The following LRRC9 variants were observed in gnomAD, a reference collection of about 807,000 sequenced individuals.
The protein encoded by LRRC9 is leucine-rich repeat-containing protein 9.
Under a neutral mutation model 63.2 loss-of-function variants are expected in LRRC9, and 122 were observed. That is an observed-to-expected ratio of 1.93 (90% confidence interval 1.67 to 2.24). The LOEUF is 2.24. Among genes scored for constraint, LRRC9 ranks in the 30% most tolerant of loss-of-function variants. The pLI, the probability that LRRC9 is intolerant of heterozygous loss-of-function variation, is 0.00. For missense variants in LRRC9, 1,071 were observed against 627.7 expected, an observed-to-expected ratio of 1.71 and a Z score of -7.55; for synonymous variants, 366 against 213.1, an observed-to-expected ratio of 1.72 and a Z score of -6.25.
At chr14:60,052,746 TAA>T (rs1893985918) in intron 29 of LRRC9, among the ~76,000 whole-genome samples, 1 of 152,242 alleles carries the variant, frequency 6.6e-6, no homozygotes, top group Non-Finnish European at 1.5e-5. Flanking sequence ...TGGGAAAATA[TAA>T]GTTTCAAAAT....
chr14:59,930,018 G>A lies in LRRC9; in HGVS notation c.268-900G>A, dbSNP rs761306252. 6.6e-6 allele frequency among the ~76,000 whole-genome samples: 1 copy of A among 151,984 alleles called. No homozygotes were observed. The highest frequency in any genetic ancestry group is 1.5e-5 in the Non-Finnish European group (1 of 67,928). On this transcript the variant is annotated intron_variant, in intron 3 of 31. Coordinates refer to ENST00000445360, the Ensembl canonical transcript of LRRC9. The surrounding 1 kb of genome is among the most constrained non-coding windows in gnomAD (Gnocchi z 4.9). ...AGTAATCTGTACAACAAACCCCCAT[G>A]ACAGAAATTTACCTAAATAACAAAC... is the stretch of plus-strand genomic sequence containing the variant.
intron 29 of LRRC9, among the ~76,000 whole-genome samples, chr14:60,048,010 C>T (rs965272022): frequency 6.6e-6 from 1 of 152,178 alleles, no homozygotes; most frequent in African/African-American, 2.4e-5. Flanking sequence ...CACACAACTA[C>T]ATGGAAATTG....
intron 17 of LRRC9, among the ~76,000 whole-genome samples, chr14:59,993,226 A>C (rs1282341342): frequency 6.6e-6 from 1 of 152,210 alleles, no homozygotes; most frequent in African/African-American, 2.4e-5. Context: ...TCATAAGTGA[A>C]GGAGAAATAA....
intron 29 of LRRC9, among the ~76,000 whole-genome samples, chr14:60,036,558 G>A (rs1892450278): frequency 6.6e-6 from 1 of 152,138 alleles, no homozygotes; most frequent in African/African-American, 2.4e-5. Context: ...TTCATCTGGT[G>A]ACATCTTATG....
At chr14:60,044,807 T>G (rs1369123554) in intron 29 of LRRC9, among the ~76,000 whole-genome samples, 1 of 152,206 alleles carries the variant, frequency 6.6e-6, no homozygotes, top group Non-Finnish European at 1.5e-5. Context: ...GCCTGTTAGA[T>G]CTAGTGTATA....
exon 9 of LRRC9, chr14:59,959,971 G>T (rs1884179988): frequency 1.5e-6 from 1 of 686,532 alleles, no homozygotes; most frequent in Admixed American, 2.2e-5. Flanking sequence ...CAAACTAAAT[G>T]CCTTGAATGA....
chr14:60,065,514 G>A (rs1894862717), downstream of LRRC9, among the ~76,000 whole-genome samples: 1 of 149,510 alleles, frequency 6.7e-6, no homozygotes. Context: ...TGGGAATGGT[G>A]GCGTACACCT....
rs761431182 is a variant in LRRC9, at chr14:59,994,179, C to A, written c.2212-3477C>A. Among the ~76,000 whole-genome samples, 10 of 151,918 alleles carry A rather than the reference C, an allele frequency of 6.6e-5. No individual in the cohort carries two copies. The East Asian group carries it at 9.6e-4, about 15-fold the overall frequency. ...GAAACAAATTTACAAGAAAAAAAAA[C>A]CCCATCAAAAAGCGGGCAAAGGATA... On this transcript the variant is annotated intron_variant, in intron 17 of 31. Coordinates refer to ENST00000445360, the Ensembl canonical transcript of LRRC9.
At chr14:60,038,124 T>C (rs1005760813) in intron 29 of LRRC9, among the ~76,000 whole-genome samples, 6 of 152,170 alleles carry the variant, frequency 3.9e-5, no homozygotes, top group Admixed American at 6.6e-5. Context: ...CATTGGTCTA[T>C]ATCTCTGTTT....
intron 29 of LRRC9, among the ~76,000 whole-genome samples, chr14:60,035,151 A>C (rs1892325379): frequency 6.7e-6 from 1 of 149,948 alleles, no homozygotes; most frequent in South Asian, 2.1e-4. Context: ...TCTTCTTTTG[A>C]TAAATGTCTT....
intron 15 of LRRC9, among the ~76,000 whole-genome samples, chr14:59,981,508 C>T (rs1354664297): frequency 6.6e-6 from 1 of 152,108 alleles, no homozygotes; most frequent in African/African-American, 2.4e-5. Context: ...TATTTTTTAG[C>T]CAGAGGTTAC....
chr14:59,957,250 C>A (rs1020686921), intron 8 of LRRC9, among the ~76,000 whole-genome samples: 12 of 152,174 alleles, frequency 7.9e-5, no homozygotes, highest in Non-Finnish European at 1.5e-4. Context: ...CTCCCCATCA[C>A]TTTCAGGGAC....
chr14:60,061,150 A>G (rs531477606), intron 31 of LRRC9, among the ~76,000 whole-genome samples: 4 of 152,258 alleles, frequency 2.6e-5, no homozygotes, highest in Non-Finnish European at 5.9e-5. Flanking sequence ...AACTTAGTTG[A>G]TAGAGCAGTG....
chr14:59,988,847 C>A (rs1887757366), intron 17 of LRRC9, among the ~76,000 whole-genome samples: 1 of 152,044 alleles, frequency 6.6e-6, no homozygotes, highest in African/African-American at 2.4e-5. Flanking sequence ...GGAATAATAT[C>A]CCTTCAGTTA....
At position 59,990,173 on chromosome 14, in the gene LRRC9, C is replaced by T. The variant is rs1887925093; in HGVS notation, c.2211+4949C>T. On this transcript the variant is annotated intron_variant, in intron 17 of 31. Transcript: ENST00000445360. This position sits in a 1 kb window ranked among gnomAD's most constrained non-coding sequence, Gnocchi z 4.2. ...AACTCCCGACTTCAGGTGATCTGCC[C>T]GCCTCGACCTCCCAAAGTGCTGGGA... Among the ~76,000 whole-genome samples, 1 of 152,026 alleles carries T rather than the reference C, an allele frequency of 6.6e-6. No homozygotes were observed. The highest frequency in any genetic ancestry group is 2.4e-5 in the African/African-American group (1 of 41,398).
At chr14:59,953,038 T>A (rs1452397653) in intron 8 of LRRC9, among the ~76,000 whole-genome samples, 2 of 152,244 alleles carry the variant, frequency 1.3e-5, no homozygotes, top group Non-Finnish European at 2.9e-5. Context: ...TGTGCCACAT[T>A]TTCTTTATCC....
chr14:59,976,837 C>A (rs1018558622), intron 13 of LRRC9, among the ~76,000 whole-genome samples: 1 of 152,162 alleles, frequency 6.6e-6, no homozygotes, highest in Non-Finnish European at 1.5e-5. Flanking sequence ...ATTAAGTAGA[C>A]ATATATTGAG....
intron 17 of LRRC9, among the ~76,000 whole-genome samples, chr14:59,996,282 A>G (rs528316356): frequency 6.6e-6 from 1 of 152,242 alleles, no homozygotes; most frequent in Admixed American, 6.5e-5. Context: ...AGGAAGTGAT[A>G]GTTTTTGTTT....
rs1884035385 is a variant in LRRC9, at chr14:59,958,559, G to A, written c.883-1259G>A. 6.6e-6 allele frequency among the ~76,000 whole-genome samples: 1 copy of A among 152,240 alleles called. No homozygotes were observed. The highest frequency in any genetic ancestry group is 2.1e-4 in the South Asian group (1 of 4,830). ...AAGCTAGTGGTTCTTAGCTTGCTGG[G>A]CTCTGTGGGAGTGGGACCCGCTGAG... On this transcript the variant is annotated intron_variant, in intron 8 of 31. Coordinates refer to ENST00000445360, the Ensembl canonical transcript of LRRC9. This position sits in a 1 kb window ranked among gnomAD's most constrained non-coding sequence, Gnocchi z 4.0.
Sources: allele counts gnomAD v4.1 joint callset (sites outside exome capture counted in the v4.1 genomes callset), GRCh38; gene constraint gnomAD v4.1.1; non-coding constraint Gnocchi (gnomAD v3.1); transcripts MANE v1.5; gene names NCBI Gene and HGNC (gene_info 2026-07-23, HGNC 2026-07-21).